Variants in PAIP1 observed in about 807,000 individuals in gnomAD.
The protein encoded by PAIP1 is polyadenylate-binding protein-interacting protein 1.
Under a neutral mutation model 61.3 loss-of-function variants are expected in PAIP1, and 16 were observed. That is an observed-to-expected ratio of 0.26 (90% confidence interval 0.18 to 0.40). The LOEUF is 0.40. Among genes scored for constraint, PAIP1 ranks in the 10% least tolerant of loss-of-function variants. PAIP1 has a pLI of 1.00. For missense variants in PAIP1, 416 were observed against 600.9 expected (o/e 0.69, Z 3.22); for synonymous variants, 187 against 226.2 (o/e 0.83, Z 1.56).
chr5:43,550,684 G>A (rs1157600893), intron 2 of PAIP1, among the ~76,000 whole-genome samples: 3 of 151,960 alleles, frequency 2.0e-5, no homozygotes, highest in Non-Finnish European at 2.9e-5. Context: ...AAATGGTGTG[G>A]CTGCTGAGTA....
At chr5:43,527,624 A>G (rs1245916608) in intron 10 of PAIP1, among the ~76,000 whole-genome samples, 155 bp from the exon 11 acceptor site, 1 of 152,176 alleles carries the variant, frequency 6.6e-6, no homozygotes, top group Non-Finnish European at 1.5e-5. Flanking sequence ...CAGTCTTCGG[A>G]CAACCAAATG....
chr5:43,545,394 C>G (rs1320607890), intron 3 of PAIP1, among the ~76,000 whole-genome samples: 3 of 152,210 alleles, frequency 2.0e-5, no homozygotes, highest in Admixed American at 6.5e-5. Context: ...CTCTTTTTGA[C>G]AGAGTACGTC....
At chr5:43,533,850 T>C (rs1747041172) in intron 8 of PAIP1, 58 bp from the exon 9 acceptor site, 8 of 1,031,904 alleles carry the variant, frequency 7.8e-6, no homozygotes, top group Non-Finnish European at 1.2e-5. Context: ...TTTTTGTAAG[T>C]ACAATAATGA....
At chr5:43,555,241 C>T (rs1748015340) in intron 2 of PAIP1, among the ~76,000 whole-genome samples, 1 of 152,154 alleles carries the variant, frequency 6.6e-6, no homozygotes, top group Non-Finnish European at 1.5e-5. Context: ...CTATTCTCTG[C>T]TATACTTCAA....
chr5:43,528,983 A>G, intron 10 of PAIP1, among the ~76,000 whole-genome samples: 1 of 152,172 alleles, frequency 6.6e-6, no homozygotes, highest in East Asian at 1.9e-4. Flanking sequence ...AAACAGTCCT[A>G]TAATTAACAT....
At chr5:43,552,180 G>GA (rs1318878066) in intron 2 of PAIP1, among the ~76,000 whole-genome samples, 1 of 152,196 alleles carries the variant, frequency 6.6e-6, no homozygotes, top group Non-Finnish European at 1.5e-5. Context: ...TACAGAGAGT[G>GA]AATATAGTCA....
intron 2 of PAIP1, among the ~76,000 whole-genome samples, chr5:43,548,413 A>C (rs1405839900): frequency 1.3e-5 from 2 of 152,088 alleles, no homozygotes; most frequent in African/African-American, 4.8e-5. Context: ...AAACAAAAAC[A>C]AAAACCTAAT....
chr5:43,536,798 A>G (rs1276627563), intron 6 of PAIP1, 21 bp downstream of exon 6: 3 of 1,295,748 alleles, frequency 2.3e-6, no homozygotes, highest in Non-Finnish European at 3.3e-6. Flanking sequence ...TAAATTAGTT[A>G]AATTAAAAAA....
At chr5:43,529,068 T>C (rs980265876) in intron 10 of PAIP1, among the ~76,000 whole-genome samples, 4 of 151,922 alleles carry the variant, frequency 2.6e-5, no homozygotes, top group Non-Finnish European at 5.9e-5. Flanking sequence ...ATAGCTAAGA[T>C]TTGAGCCTTC....
chr5:43,550,801 A>G (rs942113029), intron 2 of PAIP1, among the ~76,000 whole-genome samples: 4 of 140,308 alleles, frequency 2.9e-5, no homozygotes, highest in African/African-American at 1.1e-4. Flanking sequence ...CTCATACCCC[A>G]TGATGGAAGA....
chr5:43,529,752 A>C (rs749572141), intron 10 of PAIP1, 34 bp downstream of exon 10: 1 of 1,079,884 alleles, frequency 9.3e-7, no homozygotes, highest in African/African-American at 1.5e-5. Flanking sequence ...TAGACACAGA[A>C]ATTTCACGAA....
intron 4 of PAIP1, among the ~76,000 whole-genome samples, chr5:43,542,030 G>A (rs1362109345): frequency 6.6e-6 from 1 of 151,044 alleles, no homozygotes; most frequent in African/African-American, 2.4e-5. Context: ...ACAAAAATTA[G>A]CTGGGCATGG....
chr5:43,529,647 C>T (rs1460590027), intron 10 of PAIP1, 139 bp downstream of exon 10: 8 of 656,306 alleles, frequency 1.2e-5, no homozygotes, highest in Non-Finnish European at 2.2e-5. Context: ...CCTCCTCAGC[C>T]TCCCAAAGTG....
At chr5:43,542,942 G>T in intron 4 of PAIP1, 62 bp downstream of exon 4, 1 of 872,274 alleles carries the variant, frequency 1.1e-6, no homozygotes, top group Non-Finnish European at 1.9e-6. Context: ...TATGGTCTGA[G>T]GAATGGTCAA....
At chr5:43,550,117 T>C (rs1747804370) in intron 2 of PAIP1, among the ~76,000 whole-genome samples, 1 of 152,148 alleles carries the variant, frequency 6.6e-6, no homozygotes. Context: ...AAATAGCAGA[T>C]TCATGTGCCT....
At chr5:43,548,395 G>GGA (rs1554040899) in intron 2 of PAIP1, among the ~76,000 whole-genome samples, 13 of 148,472 alleles carry the variant, frequency 8.8e-5, no homozygotes, top group African/African-American at 3.2e-4. Flanking sequence ...TTTTATTGGG[G>GGA]AAAAAAAAAA....
chr5:43,553,159 A>G (rs1482940132), intron 2 of PAIP1, among the ~76,000 whole-genome samples: 2 of 152,170 alleles, frequency 1.3e-5, no homozygotes, highest in Non-Finnish European at 2.9e-5. Context: ...AACTGTGACA[A>G]ATATTCAAGG....
At chr5:43,543,417 T>G (rs1056582381) in intron 3 of PAIP1, among the ~76,000 whole-genome samples, 1 of 151,864 alleles carries the variant, frequency 6.6e-6, no homozygotes, top group African/African-American at 2.4e-5. Flanking sequence ...AACCTGTACA[T>G]GTCCTCAACT....
At chr5:43,550,469 TA>T (rs1224516398) in intron 2 of PAIP1, among the ~76,000 whole-genome samples, 1 of 152,054 alleles carries the variant, frequency 6.6e-6, no homozygotes, top group African/African-American at 2.4e-5. Flanking sequence ...AAATGAATGA[TA>T]AAAAGCTGTA....
Sources: gnomAD v4.1 joint callset for allele counts (sites outside exome capture counted in the v4.1 genomes callset) on GRCh38, gnomAD v4.1.1 for gene constraint, MANE v1.5 for transcripts, NCBI Gene and HGNC (gene_info 2026-07-23, HGNC 2026-07-21) for gene names.